The following PDE1C variants were observed in gnomAD, a reference collection of about 807,000 sequenced individuals.
The protein encoded by PDE1C is dual specificity calcium/calmodulin-dependent 3',5'-cyclic nucleotide phosphodiesterase 1C.
In PDE1C, 62 loss-of-function variants were observed where a neutral mutation model predicts 93.1. The ratio of observed to expected loss-of-function variants is 0.67; its 90% CI spans 0.54 to 0.82. The LOEUF (loss-of-function observed/expected upper bound fraction) is 0.82, where lower values mean the gene tolerates loss of function less well. Ranked by LOEUF, PDE1C falls within the 40% of genes least tolerant of loss-of-function variation. The pLI, the probability that PDE1C is intolerant of heterozygous loss-of-function variation, is 0.00. For missense variants in PDE1C, 742 were observed against 884.6 expected (o/e 0.84, Z 2.04); for synonymous variants, 325 against 310.1 (o/e 1.05, Z -0.50).
chr7:31,981,121 A>G (rs890231731), intron 2 of PDE1C, among the ~76,000 whole-genome samples: 1 of 152,220 alleles, frequency 6.6e-6, no homozygotes, highest in Non-Finnish European at 1.5e-5. Flanking sequence ...CTCCTAATCT[A>G]TAAACCCATC....
chr7:32,303,626 C>T (rs1812928860), upstream of PDE1C, among the ~76,000 whole-genome samples: 1 of 152,126 alleles, frequency 6.6e-6, no homozygotes, highest in South Asian at 2.1e-4. Flanking sequence ...CAGAGATAAT[C>T]TAATTAAACG....
chr7:32,356,646 A>C (rs1383247570), intron 1 of PDE1C, among the ~76,000 whole-genome samples: 1 of 152,226 alleles, frequency 6.6e-6, no homozygotes, highest in Non-Finnish European at 1.5e-5. Context: ...CTTTGAAGGG[A>C]AACATCAGCC....
At chr7:32,320,441 C>T (rs1017444746) in intron 1 of PDE1C, among the ~76,000 whole-genome samples, 3 of 152,108 alleles carry the variant, frequency 2.0e-5, no homozygotes, top group Non-Finnish European at 4.4e-5. Context: ...GTGATCTGTG[C>T]GGCAAACCAC....
At chr7:32,084,890 A>T (rs1337964395) in intron 3 of PDE1C, among the ~76,000 whole-genome samples, 2 of 148,254 alleles carry the variant, frequency 1.3e-5, no homozygotes, top group African/African-American at 5.0e-5. Flanking sequence ...AAAGCCCACA[A>T]GAGAAAGCAG....
At chr7:31,743,525 CA>C in the PDE1C span, among the ~76,000 whole-genome samples, 1 of 151,862 alleles carries the variant, frequency 6.6e-6, no homozygotes, top group Non-Finnish European at 1.5e-5. Flanking sequence ...CATAAAACCA[CA>C]TCAGCATTGA....
intron 6 of PDE1C, 100 bp from the exon 7 acceptor site, chr7:31,865,182 A>G: frequency 8.9e-7 from 1 of 1,129,112 alleles, no homozygotes; most frequent in Admixed American, 2.0e-5. Context: ...CTGAAGGCAT[A>G]ACACATGAGG....
chr7:32,027,239 A>G (rs1789558964), intron 2 of PDE1C, among the ~76,000 whole-genome samples: 1 of 152,130 alleles, frequency 6.6e-6, no homozygotes, highest in Non-Finnish European at 1.5e-5. Flanking sequence ...CGATGCTGAC[A>G]GTGGGGGAAG....
intron 3 of PDE1C, among the ~76,000 whole-genome samples, chr7:32,123,278 G>T (rs1199676317): frequency 6.6e-6 from 1 of 152,084 alleles, no homozygotes; most frequent in Non-Finnish European, 1.5e-5. Flanking sequence ...AATTCTAGCA[G>T]AGGTACAAAA....
chr7:31,630,208 G>C, the PDE1C span, among the ~76,000 whole-genome samples: 4 of 29,852 alleles, frequency 1.3e-4, no homozygotes, highest in African/African-American at 5.1e-4. Context: ...ATTACCAGAG[G>C]AAAAGAGGCA....
intron 2 of PDE1C, among the ~76,000 whole-genome samples, chr7:32,029,282 C>T (rs1243014551): frequency 1.3e-5 from 2 of 152,086 alleles, no homozygotes; most frequent in Non-Finnish European, 2.9e-5. Flanking sequence ...GAAAACTATA[C>T]AGAGGTTCCT....
the PDE1C span, among the ~76,000 whole-genome samples, chr7:31,698,552 T>C: frequency 6.6e-3 from 1,004 of 152,330 alleles, 9 homozygotes; most frequent in African/African-American, 0.023. Context: ...ATCATGCACA[T>C]GTGCTAAAAG....
intron 3 of PDE1C, among the ~76,000 whole-genome samples, chr7:32,098,739 C>T (rs1797900451): frequency 6.6e-6 from 1 of 152,164 alleles, no homozygotes; most frequent in Admixed American, 6.5e-5. Context: ...ATATCTTGGG[C>T]CTGCAGCAGG....
intron 9 of PDE1C, among the ~76,000 whole-genome samples, chr7:31,843,385 C>A (rs896088162): frequency 6.6e-5 from 10 of 151,904 alleles, no homozygotes; most frequent in Admixed American, 2.0e-4. Context: ...TCTACAGTTA[C>A]CTAATAGTTA....
intron 16 of PDE1C, among the ~76,000 whole-genome samples, chr7:31,776,076 C>A (rs779892969): frequency 1.3e-5 from 2 of 152,154 alleles, no homozygotes; most frequent in African/African-American, 4.8e-5. Flanking sequence ...AGGCCCAGCA[C>A]TCATGTTTTT....
At chr7:32,349,874 C>T (rs1449103372) in intron 1 of PDE1C, among the ~76,000 whole-genome samples, 2 of 152,150 alleles carry the variant, frequency 1.3e-5, no homozygotes, top group East Asian at 1.9e-4. Context: ...GTGATTCACC[C>T]GCCTCAGCCT....
the PDE1C span, among the ~76,000 whole-genome samples, chr7:31,727,651 T>C: frequency 6.6e-6 from 1 of 152,164 alleles, no homozygotes; most frequent in South Asian, 2.1e-4. Flanking sequence ...AATAACTATC[T>C]AATATCAGGT....
At chr7:31,726,640 C>T in the PDE1C span, among the ~76,000 whole-genome samples, 20 of 152,306 alleles carry the variant, frequency 1.3e-4, no homozygotes, top group East Asian at 3.7e-3. Context: ...CACAAAATAA[C>T]CAAAGAAAGT....
At chr7:32,389,891 G>T (rs1180438685) in intron 1 of PDE1C, among the ~76,000 whole-genome samples, 1 of 152,138 alleles carries the variant, frequency 6.6e-6, no homozygotes, top group Non-Finnish European at 1.5e-5. Context: ...CAGTGAATCA[G>T]GATTCCCATT....
intron 2 of PDE1C, among the ~76,000 whole-genome samples, chr7:32,029,752 G>GATT (rs1301946816): frequency 2.0e-5 from 3 of 152,030 alleles, no homozygotes; most frequent in African/African-American, 7.2e-5. Context: ...TTGTAAAAGG[G>GATT]ATTTTCAAGG....
Sources: allele counts gnomAD v4.1 joint callset (sites outside exome capture counted in the v4.1 genomes callset), GRCh38; gene constraint gnomAD v4.1.1; transcripts MANE v1.5; gene names NCBI Gene and HGNC (gene_info 2026-07-23, HGNC 2026-07-21).